FAT3: variants seen among roughly 807,000 people sequenced by gnomAD.
FAT3 encodes the protein protocadherin Fat 3.
In FAT3, 95 loss-of-function variants were observed where a neutral mutation model predicts 310.2. The ratio of observed to expected loss-of-function variants is 0.31; its 90% confidence interval spans 0.26 to 0.36. The LOEUF is 0.36. Ranked by LOEUF, FAT3 falls within the 10% of genes least tolerant of loss-of-function variation. FAT3 has a pLI of 1.00. For missense variants in FAT3, 5,408 were observed against 5,715.6 expected, an observed-to-expected ratio of 0.95 and a Z score of 1.74; for synonymous variants, 2,314 against 2,192.9, an observed-to-expected ratio of 1.06 and a Z score of -1.54.
intron 24 of FAT3, among the ~76,000 whole-genome samples, chr11:92,884,563 G>A (rs1222368477): frequency 6.6e-6 from 1 of 152,186 alleles, no homozygotes; most frequent in African/African-American, 2.4e-5. Flanking sequence ...GAGGGAGAAG[G>A]AGGAAACAGG....
chr11:92,329,179 G>T (rs1372560948), intron 1 of FAT3, among the ~76,000 whole-genome samples: 2 of 150,778 alleles, frequency 1.3e-5, no homozygotes, highest in Non-Finnish European at 2.9e-5. Flanking sequence ...GGGGTGCTAT[G>T]GTCCACTCCA....
intron 4 of FAT3, among the ~76,000 whole-genome samples, chr11:92,713,213 G>A (rs1162028288): frequency 6.6e-6 from 1 of 152,206 alleles, no homozygotes; most frequent in Admixed American, 6.5e-5. Context: ...CTGAGGTTTG[G>A]AGTAAGAGTT....
intron 2 of FAT3, among the ~76,000 whole-genome samples, chr11:92,486,656 C>A (rs893577855): frequency 1.3e-5 from 2 of 152,126 alleles, no homozygotes; most frequent in African/African-American, 2.4e-5. Context: ...TTGGTTTCCT[C>A]CAGACATTTC....
intron 4 of FAT3, among the ~76,000 whole-genome samples, chr11:92,742,403 G>T (rs1179216196): frequency 6.6e-6 from 1 of 152,202 alleles, no homozygotes; most frequent in African/African-American, 2.4e-5. Flanking sequence ...CTCCATGTTG[G>T]AAGAACAAAT....
In FAT3 at chr11:92,890,939, C is replaced by G. The variant is rs760244156; in HGVS notation, c.13596C>G (p.Asp4532Glu). Residue 4532 changes from aspartate (D) to glutamate (E), a missense_variant, in exon 28 of 28, where the codon GAC becomes GAG. Transcript: ENST00000525166. ...NQGTEPTGPA[D>E]SVSLSLHNSR... ...GCACAGAGCCCACAGGCCCAGCAGACAGCGTGTCTCTGTCCTTGCACAATT... is the reference window on the plus strand; with the variant it reads ...GCACAGAGCCCACAGGCCCAGCAGAGAGCGTGTCTCTGTCCTTGCACAATT... 7 of 1,614,028 alleles carry G rather than the reference C, an allele frequency of 4.3e-6. No homozygotes were observed. The highest frequency in any genetic ancestry group is 5.9e-6 in the Non-Finnish European group (7 of 1,179,880).
chr11:92,667,306 T>C (rs1942985986), intron 3 of FAT3, among the ~76,000 whole-genome samples: 1 of 152,160 alleles, frequency 6.6e-6, no homozygotes, highest in South Asian at 2.1e-4. Flanking sequence ...TGGAGTTCTT[T>C]CCTGTGCCTG....
At chr11:92,555,952 T>G (rs1285662224) in intron 3 of FAT3, among the ~76,000 whole-genome samples, 1 of 152,220 alleles carries the variant, frequency 6.6e-6, no homozygotes, top group Non-Finnish European at 1.5e-5. Context: ...GCATAAACCT[T>G]AACAGCCTCG....
chr11:92,278,214 G>A (rs1306978811), intron 1 of FAT3, among the ~76,000 whole-genome samples: 2 of 152,160 alleles, frequency 1.3e-5, no homozygotes, highest in Non-Finnish European at 2.9e-5. Context: ...AAAGTTACAT[G>A]TTTAAGGTAT....
intron 2 of FAT3, among the ~76,000 whole-genome samples, chr11:92,425,005 C>G (rs1950600067): frequency 6.6e-6 from 1 of 152,066 alleles, no homozygotes. Context: ...ACAACACTTT[C>G]CAATGACAAT....
At chr11:92,300,284 A>T (rs929878230) in intron 1 of FAT3, among the ~76,000 whole-genome samples, 2 of 152,146 alleles carry the variant, frequency 1.3e-5, no homozygotes, top group Admixed American at 6.5e-5. Flanking sequence ...CCCTTCAATC[A>T]AATTCATGCT....
intron 3 of FAT3, among the ~76,000 whole-genome samples, chr11:92,615,537 G>T (rs550079934): frequency 3.9e-5 from 6 of 152,064 alleles, no homozygotes; most frequent in Non-Finnish European, 7.4e-5. Flanking sequence ...GTAAGCCACC[G>T]CGCCTGACCT....
At chr11:92,602,465 A>T (rs1412614542) in intron 3 of FAT3, among the ~76,000 whole-genome samples, 1 of 152,180 alleles carries the variant, frequency 6.6e-6, no homozygotes, top group East Asian at 1.9e-4. Context: ...ACAGGAACAG[A>T]TTGGCCGGTT....
At chr11:92,648,142 G>C (rs1231970234) in intron 3 of FAT3, among the ~76,000 whole-genome samples, 3 of 152,156 alleles carry the variant, frequency 2.0e-5, no homozygotes, top group Non-Finnish European at 2.9e-5. Flanking sequence ...CTATTCCTAT[G>C]ACAGTAGTGG....
intron 3 of FAT3, among the ~76,000 whole-genome samples, chr11:92,644,958 G>A (rs985577189): frequency 4.6e-5 from 7 of 152,172 alleles, no homozygotes; most frequent in African/African-American, 1.4e-4. Context: ...TATGACAGAG[G>A]CGGGACTTGT....
chr11:92,288,799 T>G (rs1208125371), intron 1 of FAT3, among the ~76,000 whole-genome samples: 1 of 152,184 alleles, frequency 6.6e-6, no homozygotes, highest in Non-Finnish European at 1.5e-5. Context: ...CAAAAAACAT[T>G]GCTAAAAAGG....
At chr11:92,504,710 T>C (rs1174289021) in intron 2 of FAT3, among the ~76,000 whole-genome samples, 1 of 152,182 alleles carries the variant, frequency 6.6e-6, no homozygotes, top group Non-Finnish European at 1.5e-5. Flanking sequence ...CAGGACGTTC[T>C]TGTGACTGGC....
At chr11:92,635,608 A>G (rs1392030842) in intron 3 of FAT3, among the ~76,000 whole-genome samples, 1 of 152,132 alleles carries the variant, frequency 6.6e-6, no homozygotes, top group African/African-American at 2.4e-5. Context: ...CCTTCCAGCC[A>G]TTTGTTCAAC....
chr11:92,751,834 T>C (rs1945836738), intron 4 of FAT3, among the ~76,000 whole-genome samples: 1 of 152,124 alleles, frequency 6.6e-6, no homozygotes, highest in South Asian at 2.1e-4. Flanking sequence ...CCAAACAGAC[T>C]TGGGCGCAAA....
intron 2 of FAT3, among the ~76,000 whole-genome samples, chr11:92,489,990 A>G (rs1952557027): frequency 6.6e-6 from 1 of 150,844 alleles, no homozygotes; most frequent in Non-Finnish European, 1.5e-5. Context: ...ACCCCATTTC[A>G]TTAACCTTTC....
Sources: allele counts gnomAD v4.1 joint callset (sites outside exome capture counted in the v4.1 genomes callset), GRCh38; gene constraint gnomAD v4.1.1; transcripts MANE v1.5; gene names NCBI Gene and HGNC (gene_info 2026-07-23, HGNC 2026-07-21).